The following DIP2C variants were observed in gnomAD, a reference collection of about 807,000 sequenced individuals.
DIP2C encodes the protein disco-interacting protein 2 homolog C.
DIP2C carries 33 observed loss-of-function variants against 192.4 expected under a neutral mutation model. The observed-to-expected ratio is 0.17, with a 90% CI of 0.13 to 0.23. DIP2C has a LOEUF of 0.23. Among genes scored for constraint, DIP2C ranks in the 10% least tolerant of loss-of-function variants. The pLI is 1.00. For synonymous variants in DIP2C, 979 were observed against 864.1 expected (o/e 1.13, Z -2.33); for missense variants, 1,537 against 2,110.1 (o/e 0.73, Z 5.32).
chr10:600,612 T>A (rs1309017236), intron 1 of DIP2C, among the ~76,000 whole-genome samples: 1 of 129,950 alleles, frequency 7.7e-6, no homozygotes, highest in African/African-American at 3.4e-5. Context: ...TAAAGAGGGT[T>A]TCCGGATGCT....
intron 5 of DIP2C, 125 bp from the exon 6 acceptor site, chr10:419,324 G>C (rs961900900): frequency 1.0e-5 from 14 of 1,405,564 alleles, no homozygotes; most frequent in Non-Finnish European, 1.3e-5. Context: ...TGGAAAGCCA[G>C]AGCCGATCTC....
intron 14 of DIP2C, 94 bp from the exon 15 acceptor site, chr10:384,733 A>AG (rs569980807): frequency 6.3e-6 from 8 of 1,266,456 alleles, no homozygotes; most frequent in Middle Eastern, 2.2e-4. Flanking sequence ...CCGCACGGGC[A>AG]GGGGGGAGCT....
intron 17 of DIP2C, among the ~76,000 whole-genome samples, chr10:381,493 C>A (rs1278035466): frequency 2.0e-5 from 3 of 152,306 alleles, no homozygotes; most frequent in South Asian, 2.1e-4. Context: ...AAGCCAGCTC[C>A]AGGGAGGTGG....
chr10:654,921 T>C (rs140988912), intron 1 of DIP2C, among the ~76,000 whole-genome samples: 73 of 152,360 alleles, frequency 4.8e-4, no homozygotes, highest in African/African-American at 1.7e-3. Flanking sequence ...TATAATACTG[T>C]ACTATCTGTT....
At position 639,962 on chromosome 10, in the gene DIP2C, G is replaced by A. The variant is rs528179213; in HGVS notation, c.85+49532C>T. 2.4e-3 allele frequency among the ~76,000 whole-genome samples: 360 copies of A among 152,052 alleles called. 1 individual carries two copies. The highest frequency in any genetic ancestry group is 7.9e-3 in the African/African-American group (328 of 41,446). ...ACGCGGCATCTGCTGGGCACTCTGC[G>A]CGCTTTCTCCCACACCCGCCACGCC... On this transcript the variant is annotated intron_variant, in intron 1 of 36. Transcript: ENST00000280886.
At chr10:491,436 G>A (rs897948861) in intron 1 of DIP2C, among the ~76,000 whole-genome samples, 2 of 152,264 alleles carry the variant, frequency 1.3e-5, no homozygotes, top group Non-Finnish European at 2.9e-5. Flanking sequence ...GGCCCCGGAA[G>A]GCAAGGCCGC....
intron 1 of DIP2C, among the ~76,000 whole-genome samples, chr10:556,127 AC>A (rs1164300993): frequency 1.2e-4 from 3 of 24,810 alleles, no homozygotes; most frequent in Admixed American, 5.2e-4. Flanking sequence ...GCAACCACCC[AC>A]CCCCTTCCAC....
At chr10:592,708 A>G (rs1851473583) in intron 1 of DIP2C, among the ~76,000 whole-genome samples, 1 of 152,156 alleles carries the variant, frequency 6.6e-6, no homozygotes, top group African/African-American at 2.4e-5. Flanking sequence ...AATTATAACT[A>G]TTACTATGAA....
chr10:341,318 T>G lies in DIP2C; in HGVS notation c.3465A>C (p.Ala1155=). ...TGGAACGGCAGAAGGCACTGGTGGCTGCGTGAGACATCTGCAAAATACAAG... is the reference window on the plus strand; with the variant it reads ...TGGAACGGCAGAAGGCACTGGTGGCGGCGTGAGACATCTGCAAAATACAAG... ...GMLAGVKMSH[A]ATSAFCRSIK... is the part of the protein sequence containing the mutation. The change falls in exon 29 of 37, where the codon GCA becomes GCC. Residue 1155 remains alanine, a synonymous_variant. Coordinates refer to ENST00000280886, the MANE Select transcript of DIP2C (RefSeq NM_014974.3). 6.2e-7 allele frequency: 1 copy of G among 1,614,000 alleles called. No individual in the cohort carries two copies. The highest frequency in any genetic ancestry group is 8.5e-7 in the Non-Finnish European group (1 of 1,180,036).
Position 315,681 on chromosome 10 carries a change from C to T in DIP2C, c.3925-5589G>A, listed in dbSNP as rs1031134169. 9.2e-5 allele frequency among the ~76,000 whole-genome samples: 14 copies of T among 152,338 alleles called. 1 individual carries two copies. The East Asian group carries it at 2.7e-3, about 29-fold the overall frequency. ...GTGTGATTCTTCTCATTTACTCTGC[C>T]TGGAGTTGACTGAGCTTCTTGAATC... On this transcript the variant is annotated intron_variant, in intron 31 of 36. Transcript: ENST00000280886.
Position 275,023 on chromosome 10 carries a change from A to T in DIP2C, c.*2302T>A, listed in dbSNP as rs990629105. On this transcript the variant is annotated 3_prime_UTR_variant, in exon 37 of 37. Coordinates refer to ENST00000280886, the MANE Select transcript of DIP2C (RefSeq NM_014974.3). ...ACTCTTTTGAGCCTAAACTCTAACT[A>T]ATCAGAGTTGACAGGATGCAGAAGA... The T allele has an allele frequency of 6.6e-6, 1 of 152,208 alleles. No homozygotes were observed. The highest frequency in any genetic ancestry group is 1.5e-5 in the Non-Finnish European group (1 of 68,040). 9.4% of individuals were successfully genotyped at this position (152,208 alleles called of 1,614,324 possible). A position where few individuals can be genotyped will look rare whatever the true frequency, so the allele number is the denominator to read the frequency against.
At chr10:293,022 G>T (rs1955570612) in intron 32 of DIP2C, among the ~76,000 whole-genome samples, 1 of 152,226 alleles carries the variant, frequency 6.6e-6, no homozygotes. Flanking sequence ...ACAGAAGTGC[G>T]CCGGCATACG....
chr10:627,158 G>A (rs966404266), intron 1 of DIP2C, among the ~76,000 whole-genome samples: 3 of 152,220 alleles, frequency 2.0e-5, no homozygotes, highest in Admixed American at 2.0e-4. Context: ...ATCCTCCAAG[G>A]AGCCTGGCCC....
At chr10:401,878 A>G (rs1444360983) in intron 9 of DIP2C, among the ~76,000 whole-genome samples, 1 of 149,074 alleles carries the variant, frequency 6.7e-6, no homozygotes, top group African/African-American at 2.5e-5. Flanking sequence ...AGTTTGGTAC[A>G]TTTTCATCAG....
At chr10:583,972 C>T (rs1404193925) in intron 1 of DIP2C, among the ~76,000 whole-genome samples, 2 of 152,128 alleles carry the variant, frequency 1.3e-5, no homozygotes, top group Non-Finnish European at 1.5e-5. Flanking sequence ...AAGAGAGAGG[C>T]GCGGGGGCCA....
At chr10:501,566 G>A (rs900327214) in intron 1 of DIP2C, among the ~76,000 whole-genome samples, 11 of 152,092 alleles carry the variant, frequency 7.2e-5, no homozygotes, top group African/African-American at 2.4e-4. Context: ...GAAAGAATGG[G>A]GAGGCTTCAT....
chr10:652,142 C>A lies in DIP2C; in HGVS notation c.85+37352G>T, dbSNP rs761529652. On this transcript the variant is annotated intron_variant, in intron 1 of 36. Transcript: ENST00000280886. The surrounding 1 kb of genome is among the most constrained non-coding windows in gnomAD (Gnocchi z 4.5). ...TGATTCCTACCAACGATATCCAAAT[C>A]TTAGCATGAGCAGCACGATAAACAG... The A allele has an allele frequency of 3.6e-4, 58 of 159,612 alleles. No homozygotes were observed. Among genetic ancestry groups the A allele is most frequent in the Non-Finnish European group, 5.0e-4 (36 of 72,298 alleles). 9.9% of individuals were successfully genotyped at this position (159,612 alleles called of 1,614,324 possible). A position where few individuals can be genotyped will look rare whatever the true frequency, so the allele number is the denominator to read the frequency against.
chr10:442,353 G>A (rs1013355657), intron 3 of DIP2C, among the ~76,000 whole-genome samples: 3 of 151,878 alleles, frequency 2.0e-5, no homozygotes, highest in African/African-American at 7.3e-5. Context: ...GCCTTTGTGC[G>A]TACTTCTCTC....
At chr10:622,205 CG>C (rs1404007497) in intron 1 of DIP2C, among the ~76,000 whole-genome samples, 1 of 146,622 alleles carries the variant, frequency 6.8e-6, no homozygotes, top group Non-Finnish European at 1.5e-5. Context: ...TTGGATGAAG[CG>C]GAAGATTCCA....
Sources: gnomAD v4.1 joint callset for allele counts (sites outside exome capture counted in the v4.1 genomes callset) on GRCh38, gnomAD v4.1.1 for gene constraint, Gnocchi (gnomAD v3.1) non-coding constraint, MANE v1.5 for transcripts, NCBI Gene and HGNC (gene_info 2026-07-23, HGNC 2026-07-21) for gene names.